Variants in ATP10A observed in about 807,000 individuals in gnomAD.
ATP10A encodes phospholipid-transporting ATPase VA.
Under a neutral mutation model 147.8 loss-of-function variants are expected in ATP10A, and 111 were observed. The observed-to-expected ratio is 0.75, with a 90% CI of 0.64 to 0.88. The LOEUF (loss-of-function observed/expected upper bound fraction) is 0.88, where lower values mean the gene tolerates loss of function less well. ATP10A is among the 40% of genes least tolerant of loss of function. The pLI is 0.00. For synonymous variants in ATP10A, 875 were observed against 841.6 expected (o/e 1.04, Z -0.69); for missense variants, 1,927 against 1,959.0 (o/e 0.98, Z 0.31).
Position 25,747,540 on chromosome 15 carries a change from A to C in ATP10A, c.655-11399T>G, listed in dbSNP as rs1337543305. On this transcript the variant is annotated intron_variant, in intron 2 of 20. Transcript: ENST00000555815. ...AAAGTATAAATTATATAATAACAGA[A>C]ATAAAAAAGGGAACATCAGTACAAA... 2.0e-5 allele frequency among the ~76,000 whole-genome samples: 3 copies of C among 152,034 alleles called. No individual in the cohort carries two copies. In the South Asian group the frequency reaches 6.2e-4, roughly 31 times the overall value.
intron 2 of ATP10A, among the ~76,000 whole-genome samples, chr15:25,738,308 C>G (rs909093893): frequency 1.4e-4 from 21 of 152,172 alleles, no homozygotes; most frequent in African/African-American, 4.8e-4. Flanking sequence ...CCCGATCCAC[C>G]CTTCTGCTCT....
At chr15:25,810,757 TA>T (rs1567402440) in intron 1 of ATP10A, among the ~76,000 whole-genome samples, 2 of 151,730 alleles carry the variant, frequency 1.3e-5, no homozygotes, top group African/African-American at 4.8e-5. Context: ...CCACGGAAAA[TA>T]GCACGCCAGG....
intron 1 of ATP10A, among the ~76,000 whole-genome samples, chr15:25,789,563 GAA>G (rs1890315084): frequency 1.7e-5 from 1 of 58,682 alleles, no homozygotes; most frequent in Non-Finnish European, 3.2e-5. Context: ...GACCAATAAA[GAA>G]GTGTGTGTGT....
intron 8 of ATP10A, 98 bp from the exon 9 acceptor site, chr15:25,717,022 T>C: frequency 2.1e-6 from 2 of 939,864 alleles, no homozygotes; most frequent in Non-Finnish European, 3.0e-6. Context: ...TTATAAGCTG[T>C]AAACAGAACT....
intron 1 of ATP10A, among the ~76,000 whole-genome samples, chr15:25,815,375 T>A (rs1891605257): frequency 6.6e-6 from 1 of 152,162 alleles, no homozygotes; most frequent in African/African-American, 2.4e-5. Flanking sequence ...ATTTTATATG[T>A]GCACAGACTT....
chr15:25,697,312 TA>T (rs376276831), intron 13 of ATP10A, among the ~76,000 whole-genome samples: 6 of 152,070 alleles, frequency 3.9e-5, no homozygotes, highest in African/African-American at 1.2e-4. Flanking sequence ...ATCACCTGCT[TA>T]AAAAAAATCC....
At chr15:25,693,230 C>T (rs535493632) in intron 14 of ATP10A, among the ~76,000 whole-genome samples, 1 of 151,862 alleles carries the variant, frequency 6.6e-6, no homozygotes, top group African/African-American at 2.4e-5. Flanking sequence ...ACTATGTTGC[C>T]CAGGCTGGTC....
intron 3 of ATP10A, among the ~76,000 whole-genome samples, chr15:25,733,298 C>T (rs1887053098): frequency 6.6e-6 from 1 of 152,144 alleles, no homozygotes; most frequent in Non-Finnish European, 1.5e-5. Flanking sequence ...AACTTAGCTC[C>T]CTGCCCTGGG....
chr15:25,859,946 C>T (rs898595970), intron 1 of ATP10A, among the ~76,000 whole-genome samples: 2 of 152,084 alleles, frequency 1.3e-5, no homozygotes, highest in Admixed American at 1.3e-4. Flanking sequence ...ACGCTTGGAC[C>T]GACACTCCTA....
chr15:25,791,090 T>TG (rs1890399929), intron 1 of ATP10A, among the ~76,000 whole-genome samples: 1 of 151,654 alleles, frequency 6.6e-6, no homozygotes, highest in African/African-American at 2.4e-5. Context: ...AAGTGTTTTT[T>TG]TTTTTTTTTT....
chr15:25,764,042 A>T (rs1027339321), intron 2 of ATP10A, among the ~76,000 whole-genome samples: 1 of 152,184 alleles, frequency 6.6e-6, no homozygotes, highest in Non-Finnish European at 1.5e-5. Context: ...TGTCCAGGTG[A>T]CACCCATGCA....
At chr15:25,814,382 G>A (rs887749750) in intron 1 of ATP10A, among the ~76,000 whole-genome samples, 3 of 152,174 alleles carry the variant, frequency 2.0e-5, no homozygotes, top group African/African-American at 7.2e-5. Flanking sequence ...AATGTTCAAC[G>A]AAGTCCTTCA....
At chr15:25,811,786 C>T (rs939856890) in intron 1 of ATP10A, among the ~76,000 whole-genome samples, 6 of 152,196 alleles carry the variant, frequency 3.9e-5, no homozygotes, top group African/African-American at 7.2e-5. Flanking sequence ...AGCCTGACCT[C>T]GTAGCACTTC....
At chr15:25,855,318 G>C (rs1893466354) in intron 1 of ATP10A, among the ~76,000 whole-genome samples, 2 of 152,094 alleles carry the variant, frequency 1.3e-5, no homozygotes, top group African/African-American at 4.8e-5. Flanking sequence ...ATGCAAGATT[G>C]GTTTAACATT....
intron 1 of ATP10A, among the ~76,000 whole-genome samples, chr15:25,800,057 C>T (rs890941783): frequency 1.3e-5 from 2 of 152,190 alleles, no homozygotes; most frequent in Non-Finnish European, 2.9e-5. Flanking sequence ...ACCAAACTCG[C>T]CTGGGGGCCA....
intron 1 of ATP10A, among the ~76,000 whole-genome samples, chr15:25,787,010 C>T (rs1365183118): frequency 2.6e-5 from 4 of 152,034 alleles, no homozygotes; most frequent in African/African-American, 7.2e-5. Flanking sequence ...TGACCCAGGC[C>T]TGCACAGAAC....
At chr15:25,711,109 G>A (rs1901388844) in intron 10 of ATP10A, among the ~76,000 whole-genome samples, 1 of 152,098 alleles carries the variant, frequency 6.6e-6, no homozygotes, top group Admixed American at 6.5e-5. Context: ...GGTTGGGGTG[G>A]AGTCCCTGCT....
At chr15:25,757,194 TAGAG>T (rs2140609289) in intron 2 of ATP10A, among the ~76,000 whole-genome samples, 1 of 152,284 alleles carries the variant, frequency 6.6e-6, no homozygotes, top group East Asian at 1.9e-4. Flanking sequence ...TTTTATATGG[TAGAG>T]AGTAGCTAAA....
At chr15:25,770,169 C>T (rs1482497111) in intron 2 of ATP10A, among the ~76,000 whole-genome samples, 1 of 151,104 alleles carries the variant, frequency 6.6e-6, no homozygotes, top group Non-Finnish European at 1.5e-5. Flanking sequence ...TGGGGAGGGG[C>T]CCCACCCATG....
Sources: allele counts gnomAD v4.1 joint callset (sites outside exome capture counted in the v4.1 genomes callset), GRCh38; gene constraint gnomAD v4.1.1; transcripts MANE v1.5; gene names NCBI Gene and HGNC (gene_info 2026-07-23, HGNC 2026-07-21).